FRMPD3: variants seen among roughly 807,000 people sequenced by gnomAD.
The protein encoded by FRMPD3 is FERM and PDZ domain containing 3.
Under a neutral mutation model 97.9 loss-of-function variants are expected in FRMPD3, and 42 were observed. The observed-to-expected ratio is 0.43, with a 90% CI of 0.34 to 0.55. The LOEUF (loss-of-function observed/expected upper bound fraction) is 0.55. Among genes scored for constraint, FRMPD3 ranks in the 20% least tolerant of loss-of-function variants. The pLI is 0.03. For missense variants in FRMPD3, 1,303 were observed against 1,457.7 expected, an observed-to-expected ratio of 0.89 and a Z score of 1.73; for synonymous variants, 577 against 581.1, an observed-to-expected ratio of 0.99 and a Z score of 0.10.
chrX:107,601,062 A>G lies in FRMPD3; in HGVS notation c.3023A>G (p.Lys1008Arg). The G allele has an allele frequency of 8.3e-7, 1 of 1,207,360 alleles. No homozygotes were observed. The highest frequency in any genetic ancestry group is 1.1e-6 in the Non-Finnish European group (1 of 893,778). ...MMSSSASKNL[K>R]FKISPSAPET... is the part of the protein sequence containing the mutation. ...AGCAGCAGTGCCAGTAAGAATCTGA[A>G]GTTCAAAATTAGCCCCAGTGCTCCA... is the stretch of plus-strand genomic sequence containing the variant. Residue 1008 changes from lysine to arginine, a missense_variant, in exon 15 of 15, where the codon AAG (lysine) becomes AGG (arginine). Physicochemically the swap from Lys to Arg is conservative, Grantham distance 26. This residue lies in a region of FRMPD3 where 764 missense variants were observed against 820.2 expected (regional missense o/e 0.93). Transcript: ENST00000683843.
rs773581327 is a variant in FRMPD3, at chrX:107,455,724, C to T, written c.-8+5719C>T. On this transcript the variant is annotated intron_variant, in intron 1 of 14. Transcript: ENST00000683843. ...GATTCATATTAGACAGGGATTCTAT[C>T]GCATCTCCCCCTGCACATTAGTTCA... Among the ~76,000 whole-genome samples, 3 of 111,545 alleles carry T rather than the reference C, an allele frequency of 2.7e-5. No homozygotes were observed. The South Asian group carries it at 1.1e-3, about 42-fold the overall frequency.
intron 12 of FRMPD3, among the ~76,000 whole-genome samples, chrX:107,570,150 G>GAAGGGAGGGAAGT (rs1320436906): frequency 1.1e-5 from 1 of 89,489 alleles, no homozygotes; most frequent in Non-Finnish European, 2.1e-5. Flanking sequence ...GGGAGGGAAG[G>GAAGGGAGGGAAGT]AAAGGAAAGG....
chrX:107,545,722 C>G lies in FRMPD3; in HGVS notation c.298-15C>G. ...TAGATATGGAGAACTCACCATCTCTCTGTTCTTTTTCCAGTCCCCCAAATC... is the reference window on the plus strand; with the variant it reads ...TAGATATGGAGAACTCACCATCTCTGTGTTCTTTTTCCAGTCCCCCAAATC... On this transcript the variant is annotated splice_polypyrimidine_tract_variant and intron_variant, in intron 4 of 14. Transcript: ENST00000683843. 1.7e-6 allele frequency: 2 copies of G among 1,186,911 alleles called. No homozygotes were observed. The highest frequency in any genetic ancestry group is 2.3e-6 in the Non-Finnish European group (2 of 873,843).
At chrX:107,521,365 A>G (rs1247163602) in intron 1 of FRMPD3, among the ~76,000 whole-genome samples, 2 of 112,372 alleles carry the variant, frequency 1.8e-5, no homozygotes, top group Admixed American at 9.4e-5. Flanking sequence ...TCTGTGGACC[A>G]GCAGCTTGGG....
chrX:107,467,774 TCAGA>T (rs754684738), intron 1 of FRMPD3, among the ~76,000 whole-genome samples: 253 of 111,390 alleles, frequency 2.3e-3, no homozygotes, highest in African/African-American at 8.0e-3. Flanking sequence ...ACATTCCTAC[TCAGA>T]CAGAGACTCC....
At position 107,525,671 on chromosome X, in the gene FRMPD3, G is replaced by A. The variant is rs746008973; in HGVS notation, c.-7-911G>A. 8.9e-6 allele frequency: 5 copies of A among 559,102 alleles called. No homozygotes were observed. The South Asian group carries it at 1.1e-4, about 12-fold the overall frequency. 46.1% of individuals were successfully genotyped at this position (559,102 alleles called of 1,213,427 possible). A position where few individuals can be genotyped will look rare whatever the true frequency, so the allele number is the denominator to read the frequency against. On this transcript the variant is annotated intron_variant, in intron 1 of 14. Coordinates refer to ENST00000683843, the MANE Select transcript of FRMPD3 (RefSeq NM_001388459.1). ...TTTCCAGGTGTCTCATTAACTGAAA[G>A]AAGTTGGCATTATGGACAATTTTGG... is the stretch of plus-strand genomic sequence containing the variant.
chrX:107,603,660 C>T lies in FRMPD3; in HGVS notation c.*287C>T, dbSNP rs1924671942. On this transcript the variant is annotated 3_prime_UTR_variant, in exon 15 of 15. Coordinates refer to ENST00000683843, the MANE Select transcript of FRMPD3 (RefSeq NM_001388459.1). ...ACAGCAGAGCTGTATTTTATCTCTT[C>T]TCTGGGGCTGAGAGGTGACATCAGG... 1 of 276,812 alleles carries T rather than the reference C, an allele frequency of 3.6e-6. No homozygotes were observed. Among genetic ancestry groups the T allele is most frequent in the African/African-American group, 2.7e-5 (1 of 36,694 alleles). The allele number at this position is 276,812 out of a possible 1,213,427, so 22.8% of individuals were successfully genotyped here.
At position 107,533,563 on chromosome X, in the gene FRMPD3, CTT is replaced by C; in HGVS notation, c.297+15_297+16del. ...GCACACTCATCAGGTGAGTGAGCCT[CTT>C]TGCCATCTGCCCTTCCTCCTGACTG... On this transcript the variant is annotated intron_variant, in intron 4 of 14. Transcript: ENST00000683843. The C allele has an allele frequency of 8.4e-7, 1 of 1,193,434 alleles. No individual in the cohort carries two copies.
intron 1 of FRMPD3, among the ~76,000 whole-genome samples, chrX:107,507,332 G>T (rs1436885402): frequency 9.0e-6 from 1 of 110,915 alleles, no homozygotes; most frequent in Non-Finnish European, 1.9e-5. Context: ...GACGCTGTTG[G>T]AAAAGTGGCG....
chrX:107,498,914 G>T (rs894875470), intron 1 of FRMPD3, among the ~76,000 whole-genome samples: 1 of 111,147 alleles, frequency 9.0e-6, no homozygotes, highest in Non-Finnish European at 1.9e-5. Context: ...GTGCCAGACA[G>T]AAGCAGAATT....
In FRMPD3 at chrX:107,552,936, T is replaced by C. The variant is rs987980002; in HGVS notation, c.642+10T>C. ...GCAACCCCTGGCTTATGTAAGTAAC[T>C]CTTTTTTACAGATAGCTTTGCATGT... On this transcript the variant is annotated intron_variant, in intron 7 of 14. Transcript: ENST00000683843. 4.2e-6 allele frequency: 5 copies of C among 1,199,940 alleles called. No homozygotes were observed. The African/African-American group carries it at 5.3e-5, about 13-fold the overall frequency.
In FRMPD3 at chrX:107,467,978, A is replaced by G. The variant is rs1485783755; in HGVS notation, c.-8+17973A>G. ...TTGACTTCTTTGTGGCTTCTCCACT[A>G]CAAAGACTCTTCCCATTACCCAGAA... is the stretch of plus-strand genomic sequence containing the variant. On this transcript the variant is annotated intron_variant, in intron 1 of 14. Transcript: ENST00000683843. Among the ~76,000 whole-genome samples the G allele has an allele frequency of 3.6e-5, 4 of 111,482 alleles. No homozygotes were observed. In the East Asian group the frequency reaches 8.4e-4, roughly 23 times the overall value.
intron 1 of FRMPD3, among the ~76,000 whole-genome samples, chrX:107,450,374 T>A (rs939134453): frequency 2.7e-5 from 3 of 110,988 alleles, no homozygotes; most frequent in African/African-American, 9.8e-5. Context: ...GCCTGGCTGC[T>A]AGGAGGTGGC....
chrX:107,582,611 A>G (rs770722130), intron 13 of FRMPD3, among the ~76,000 whole-genome samples: 22 of 112,464 alleles, frequency 2.0e-4, no homozygotes, highest in Non-Finnish European at 3.6e-4. Context: ...CCACTTGTAT[A>G]TCTTCTTTGG....
chrX:107,509,698 TCTTCTG>T (rs1922120955), intron 1 of FRMPD3, among the ~76,000 whole-genome samples: 1 of 110,500 alleles, frequency 9.0e-6, no homozygotes, highest in South Asian at 4.0e-4. Context: ...GGAGTGGTGG[TCTTCTG>T]CTGGGAGTCA....
At chrX:107,523,657 C>T (rs1922583361) in intron 1 of FRMPD3, among the ~76,000 whole-genome samples, 1 of 112,622 alleles carries the variant, frequency 8.9e-6, no homozygotes, top group African/African-American at 3.2e-5. Context: ...ACTGAAAGCT[C>T]TTTGAGGGCA....
rs1225589453 is a variant in FRMPD3, at chrX:107,565,010, C to T, written c.1240C>T (p.Leu414=). The change falls in exon 12 of 15, where the codon CTG becomes TTG. Residue 414 remains leucine, a synonymous_variant. Coordinates refer to ENST00000683843, the MANE Select transcript of FRMPD3 (RefSeq NM_001388459.1). The stretch of plus-strand genomic sequence containing the variant: ...GTTCAGCAAGATCAGCAAGATCCAG[C>T]TGTTCCGGGAGAACCAGGGCGTGGC... The part of the protein sequence containing the change: ...SEFSKISKIQ[L]FRENQGVARV... The T allele has an allele frequency of 2.0e-5, 24 of 1,206,767 alleles. No individual in the cohort carries two copies. The highest frequency in any genetic ancestry group is 2.6e-5 in the Non-Finnish European group (23 of 893,298).
chrX:107,458,044 T>C (rs1284201142), intron 1 of FRMPD3, among the ~76,000 whole-genome samples: 1 of 112,028 alleles, frequency 8.9e-6, no homozygotes, highest in Admixed American at 9.5e-5. Context: ...TGACAGCTGA[T>C]TGGCTGCCTA....
At chrX:107,588,112 A>G (rs1246701134) in intron 13 of FRMPD3, among the ~76,000 whole-genome samples, 1 of 111,505 alleles carries the variant, frequency 9.0e-6, no homozygotes, top group East Asian at 2.8e-4. Context: ...AGTTTCTGCT[A>G]AGAGGTCTGC....
Sources: gnomAD v4.1 joint callset for allele counts (sites outside exome capture counted in the v4.1 genomes callset) on GRCh38, gnomAD v4.1.1 for gene constraint, gnomAD v4.1.1 regional missense constraint, MANE v1.5 for transcripts, NCBI Gene and HGNC (gene_info 2026-07-23, HGNC 2026-07-21) for gene names.